Variants in LRRFIP2 observed in about 807,000 individuals in gnomAD.
The protein encoded by LRRFIP2 is LRR binding FLII interacting protein 2.
LRRFIP2 carries 109 observed loss-of-function variants against 125.9 expected under a neutral mutation model. The ratio of observed to expected loss-of-function variants is 0.87; its 90% confidence interval spans 0.74 to 1.01. LRRFIP2 has a LOEUF of 1.01. Ranked by LOEUF, LRRFIP2 falls within the 50% of genes least tolerant of loss-of-function variation. The pLI is 0.00. For missense variants in LRRFIP2, 850 were observed against 862.3 expected, an observed-to-expected ratio of 0.99 and a Z score of 0.18; for synonymous variants, 291 against 293.1, an observed-to-expected ratio of 0.99 and a Z score of 0.07.
At chr3:37,173,393 T>C (rs946949585) in intron 1 of LRRFIP2, among the ~76,000 whole-genome samples, 6 of 152,166 alleles carry the variant, frequency 3.9e-5, no homozygotes, top group African/African-American at 1.2e-4. Flanking sequence ...TCTCACTATG[T>C]TGCCCAGACT....
At chr3:37,074,882 T>C in intron 20 of LRRFIP2, 142 bp downstream of exon 20, 1 of 572,384 alleles carries the variant, frequency 1.7e-6, no homozygotes, top group Non-Finnish European at 3.1e-6. Flanking sequence ...ATCTGGTTTA[T>C]GTTTGAAAAT....
chr3:37,071,118 T>TC (rs2091109242), intron 21 of LRRFIP2, among the ~76,000 whole-genome samples: 1 of 152,266 alleles, frequency 6.6e-6, no homozygotes, highest in Non-Finnish European at 1.5e-5. Flanking sequence ...ATTGATTTAT[T>TC]CCCCAGAAGG....
intron 24 of LRRFIP2, 52 bp from the exon 25 acceptor site, chr3:37,058,962 C>T (rs754877450): frequency 3.1e-6 from 5 of 1,606,854 alleles, no homozygotes; most frequent in South Asian, 1.1e-5. Context: ...CAAATGAAGC[C>T]GATGCTTATT....
Position 37,147,378 on chromosome 3 carries a change from T to G in LRRFIP2, c.90+1516A>C, listed in dbSNP as rs1375564679. Among the ~76,000 whole-genome samples the G allele has an allele frequency of 3.3e-5, 5 of 152,294 alleles. No homozygotes were observed. In the East Asian group the frequency reaches 7.7e-4, roughly 23 times the overall value. On this transcript the variant is annotated intron_variant, in intron 2 of 27. Coordinates refer to ENST00000336686, the MANE Select transcript of LRRFIP2 (RefSeq NM_006309.4). ...CTTGAAGGAATATAAATCATTCTAT[T>G]ATAAAAATACCTGCACATGTACGTT... is the stretch of plus-strand genomic sequence containing the variant.
chr3:37,157,502 G>C (rs912352396), intron 1 of LRRFIP2, among the ~76,000 whole-genome samples: 2 of 151,952 alleles, frequency 1.3e-5, no homozygotes, highest in Non-Finnish European at 2.9e-5. Flanking sequence ...ACCAGAAGAG[G>C]AAAACAAGGA....
intron 1 of LRRFIP2, among the ~76,000 whole-genome samples, chr3:37,171,574 A>C (rs2096587831): frequency 6.6e-6 from 1 of 152,202 alleles, no homozygotes; most frequent in African/African-American, 2.4e-5. Context: ...AAAACTTTGC[A>C]GAATAAAGAT....
At chr3:37,070,602 GGT>G (rs1464660069) in intron 21 of LRRFIP2, among the ~76,000 whole-genome samples, 2 of 151,960 alleles carry the variant, frequency 1.3e-5, no homozygotes. Flanking sequence ...CGGACGTGGT[GGT>G]GCACACCTGT....
intron 1 of LRRFIP2, among the ~76,000 whole-genome samples, chr3:37,151,206 A>G (rs892258204): frequency 1.3e-5 from 2 of 152,088 alleles, no homozygotes; most frequent in Non-Finnish European, 2.9e-5. Flanking sequence ...TAAAAATACA[A>G]AAATTAGCTG....
chr3:37,138,326 A>G (rs2095608762), intron 2 of LRRFIP2, among the ~76,000 whole-genome samples: 1 of 152,206 alleles, frequency 6.6e-6, no homozygotes, highest in Non-Finnish European at 1.5e-5. Flanking sequence ...TGTGAGGCCA[A>G]TCAATCGTAT....
rs1165575441 is a variant in LRRFIP2 at position 37,112,992 on chromosome 3, T to C, written c.373-12A>G. The C allele has an allele frequency of 1.3e-6, 2 of 1,498,088 alleles. No homozygotes were observed. The highest frequency in any genetic ancestry group is 1.8e-6 in the Non-Finnish European group (2 of 1,088,520). The allele number at this position is 1,498,088 out of a possible 1,614,324, so 92.8% of individuals were successfully genotyped here. On this transcript the variant is annotated splice_polypyrimidine_tract_variant and intron_variant, in intron 7 of 27. Coordinates refer to ENST00000336686, the MANE Select transcript of LRRFIP2 (RefSeq NM_006309.4). ...CTGTAAGAATGATTCTGGAAGTAAA[T>C]ATTCCAAGTTAACTTCAATGATTGC... is the stretch of plus-strand genomic sequence containing the variant.
chr3:37,085,598 T>C (rs1198044590), intron 18 of LRRFIP2, among the ~76,000 whole-genome samples: 5 of 145,096 alleles, frequency 3.4e-5, no homozygotes, highest in African/African-American at 1.0e-4. Flanking sequence ...TTTTTTTTTT[T>C]CGAGATGGAG....
At chr3:37,069,959 A>G (rs2090873748) in intron 21 of LRRFIP2, among the ~76,000 whole-genome samples, 1 of 152,198 alleles carries the variant, frequency 6.6e-6, no homozygotes, top group Admixed American at 6.5e-5. Context: ...TAAAAAGGCA[A>G]GAGGAGGAGA....
chr3:37,073,442 C>A (rs2091578058), intron 20 of LRRFIP2, among the ~76,000 whole-genome samples: 1 of 152,096 alleles, frequency 6.6e-6, no homozygotes, highest in Admixed American at 6.5e-5. Flanking sequence ...CCTTAAATGA[C>A]CTTTCTAATT....
At position 37,065,890 on chromosome 3, in the gene LRRFIP2, TGAC is replaced by T. The variant is rs2090031869; in HGVS notation, c.1616_1618del (p.Ser539_His540delinsAsn). 1 of 1,614,068 alleles carries T rather than the reference TGAC, an allele frequency of 6.2e-7. No homozygotes were observed. The highest frequency in any genetic ancestry group is 8.5e-7 in the Non-Finnish European group (1 of 1,180,018). On this transcript the variant is annotated inframe_deletion, in exon 23 of 28. Coordinates refer to ENST00000336686, the MANE Select transcript of LRRFIP2 (RefSeq NM_006309.4). Reference sequence around the variant, plus strand: ...AGTGATGGCTCCAGCCACTGGTTCATGACTGACATCACCATTGGGAGTGCCATC... The same window carrying T: ...AGTGATGGCTCCAGCCACTGGTTCATTGACATCACCATTGGGAGTGCCATC...
At chr3:37,173,272 G>A (rs1208139838) in intron 1 of LRRFIP2, among the ~76,000 whole-genome samples, 5 of 151,954 alleles carry the variant, frequency 3.3e-5, no homozygotes, top group African/African-American at 1.2e-4. Context: ...CTGGAGTGCA[G>A]TGGTGTTTTC....
At chr3:37,099,591 A>C (rs2093911989) in intron 15 of LRRFIP2, among the ~76,000 whole-genome samples, 1 of 152,230 alleles carries the variant, frequency 6.6e-6, no homozygotes, top group Non-Finnish European at 1.5e-5. Flanking sequence ...AGAAGGGAAG[A>C]CATCAATCAA....
At chr3:37,066,683 G>T in intron 21 of LRRFIP2, 2 of 173,264 alleles carry the variant, frequency 1.2e-5, no homozygotes, top group South Asian at 1.4e-4. Flanking sequence ...CTGCCTAAGT[G>T]CATTTTTATT....
chr3:37,055,546 C>T (rs1474750995), intron 25 of LRRFIP2, among the ~76,000 whole-genome samples: 1 of 152,074 alleles, frequency 6.6e-6, no homozygotes, highest in Non-Finnish European at 1.5e-5. Flanking sequence ...AGCCTGGCAA[C>T]AGAGCGATAC....
At chr3:37,148,453 CG>C (rs1285833643) in intron 2 of LRRFIP2, among the ~76,000 whole-genome samples, 1 of 152,192 alleles carries the variant, frequency 6.6e-6, no homozygotes, top group African/African-American at 2.4e-5. Context: ...GCTGCGGAAA[CG>C]AACTGCTATA....
Sources: gnomAD v4.1 joint callset for allele counts (sites outside exome capture counted in the v4.1 genomes callset) on GRCh38, gnomAD v4.1.1 for gene constraint, MANE v1.5 for transcripts, NCBI Gene and HGNC (gene_info 2026-07-23, HGNC 2026-07-21) for gene names.